The following RABGAP1L variants were observed in gnomAD, a reference collection of about 807,000 sequenced individuals.
RABGAP1L encodes the protein RAB GTPase activating protein 1 like, also known as rab GTPase-activating protein 1-like.
In RABGAP1L, 63 loss-of-function variants were observed where a neutral mutation model predicts 137.7. The observed-to-expected ratio is 0.46, with a 90% CI of 0.37 to 0.56. The LOEUF (loss-of-function observed/expected upper bound fraction) is 0.56. Ranked by LOEUF, RABGAP1L falls within the 20% of genes least tolerant of loss-of-function variation. The probability of loss-of-function intolerance (pLI) is 0.00; values close to 1 mark genes in which losing one functional copy is unlikely to be tolerated. For synonymous variants in RABGAP1L, 431 were observed against 433.7 expected (o/e 0.99, Z 0.08); for missense variants, 1,095 against 1,244.0 (o/e 0.88, Z 1.80).
chr1:174,612,830 T>A (rs1671396595), intron 13 of RABGAP1L, among the ~76,000 whole-genome samples: 1 of 152,356 alleles, frequency 6.6e-6, no homozygotes, highest in South Asian at 2.1e-4. Flanking sequence ...CTAGATTTTC[T>A]AGTTTATTTG....
At chr1:174,792,098 C>T (rs1687903872) in intron 18 of RABGAP1L, among the ~76,000 whole-genome samples, 1 of 152,214 alleles carries the variant, frequency 6.6e-6, no homozygotes, top group Admixed American at 6.5e-5. Flanking sequence ...TGCATCTGTG[C>T]TCTGAATATC....
intron 13 of RABGAP1L, among the ~76,000 whole-genome samples, chr1:174,513,674 C>T (rs918007109): frequency 1.3e-5 from 2 of 152,080 alleles, no homozygotes; most frequent in Non-Finnish European, 2.9e-5. Flanking sequence ...CTTTTCTAGA[C>T]TAAATCATTA....
intron 13 of RABGAP1L, among the ~76,000 whole-genome samples, chr1:174,457,279 G>T (rs1240079150): frequency 6.6e-6 from 1 of 152,130 alleles, no homozygotes; most frequent in Non-Finnish European, 1.5e-5. Flanking sequence ...CAAAAGTGTT[G>T]TGGGGAGAAT....
At chr1:174,498,807 G>A (rs1255951501) in intron 13 of RABGAP1L, among the ~76,000 whole-genome samples, 1 of 151,634 alleles carries the variant, frequency 6.6e-6, no homozygotes, top group Non-Finnish European at 1.5e-5. Context: ...CACCGCGCCT[G>A]GCCTGAAACA....
chr1:174,360,772 A>G (rs1000245690), intron 11 of RABGAP1L, among the ~76,000 whole-genome samples: 13 of 152,114 alleles, frequency 8.5e-5, no homozygotes, highest in African/African-American at 3.1e-4. Context: ...TTGATTTTTA[A>G]TTAATTAATT....
At chr1:174,818,844 A>G (rs1367830016) in intron 19 of RABGAP1L, among the ~76,000 whole-genome samples, 2 of 151,152 alleles carry the variant, frequency 1.3e-5, no homozygotes, top group African/African-American at 2.5e-5. Flanking sequence ...CCCCGTCTCT[A>G]CCAGTAAAAA....
intron 13 of RABGAP1L, among the ~76,000 whole-genome samples, chr1:174,454,783 T>A (rs1442871815): frequency 6.6e-6 from 1 of 151,940 alleles, no homozygotes; most frequent in Non-Finnish European, 1.5e-5. Context: ...TCTCCTGACC[T>A]CCTCGTGTTC....
rs201629203 is a variant in RABGAP1L, at chr1:174,611,438, A to G, written c.1711-25937A>G. Among the ~76,000 whole-genome samples, 58 of 151,330 alleles carry G rather than the reference A, an allele frequency of 3.8e-4. No homozygotes were observed. The East Asian group carries it at 9.7e-3, about 25-fold the overall frequency. Reference sequence around the variant, plus strand: ...ATATCTCTCTTTTGGTACCACTACCATGCTGTTTTGGTTACTGTAGCCTTG... The same window carrying G: ...ATATCTCTCTTTTGGTACCACTACCGTGCTGTTTTGGTTACTGTAGCCTTG... On this transcript the variant is annotated intron_variant, in intron 13 of 25. Coordinates refer to ENST00000681986, the MANE Select transcript of RABGAP1L (RefSeq NM_001366446.1).
intron 11 of RABGAP1L, among the ~76,000 whole-genome samples, chr1:174,338,752 C>G (rs1202729218): frequency 6.6e-6 from 1 of 151,888 alleles, no homozygotes; most frequent in African/African-American, 2.4e-5. Flanking sequence ...ATATTGTACA[C>G]TTAAAAATTC....
At chr1:174,190,076 G>A (rs554042331) in intron 1 of RABGAP1L, among the ~76,000 whole-genome samples, 1 of 152,086 alleles carries the variant, frequency 6.6e-6, no homozygotes, top group South Asian at 2.1e-4. Context: ...AGGCCGAGGC[G>A]GGTGGATCAT....
chr1:174,759,371 G>T (rs1328274472), intron 18 of RABGAP1L, among the ~76,000 whole-genome samples: 3 of 151,468 alleles, frequency 2.0e-5, no homozygotes, highest in Non-Finnish European at 2.9e-5. Context: ...AAGGTGGGCG[G>T]ATCACTGGAG....
chr1:174,275,469 T>C (rs1674912779), intron 8 of RABGAP1L, among the ~76,000 whole-genome samples: 1 of 152,172 alleles, frequency 6.6e-6, no homozygotes, highest in Non-Finnish European at 1.5e-5. Context: ...TCTATATTAT[T>C]GTTTTAATAG....
intron 22 of RABGAP1L, among the ~76,000 whole-genome samples, chr1:174,977,554 A>G (rs1315020570): frequency 6.6e-6 from 1 of 152,220 alleles, no homozygotes; most frequent in Non-Finnish European, 1.5e-5. Context: ...TTGCAAGAAC[A>G]ATGCAAGATG....
intron 10 of RABGAP1L, among the ~76,000 whole-genome samples, chr1:174,300,289 GC>G (rs1677547185): frequency 6.6e-6 from 1 of 152,136 alleles, no homozygotes; most frequent in Admixed American, 6.5e-5. Flanking sequence ...ACTTTGGGAG[GC>G]CGAGGCTGGT....
intron 1 of RABGAP1L, among the ~76,000 whole-genome samples, chr1:174,160,577 C>G (rs187367024): frequency 6.6e-6 from 1 of 152,126 alleles, no homozygotes; most frequent in African/African-American, 2.4e-5. Flanking sequence ...GAAATGCCAG[C>G]CTTATTACAC....
chr1:174,565,532 A>G (rs1298897465), intron 13 of RABGAP1L, among the ~76,000 whole-genome samples: 1 of 151,992 alleles, frequency 6.6e-6, no homozygotes, highest in Non-Finnish European at 1.5e-5. Context: ...CTTGGCTTCT[A>G]CTTTCTCTTA....
At chr1:174,302,668 A>G (rs1264102792) in intron 10 of RABGAP1L, among the ~76,000 whole-genome samples, 5 of 152,224 alleles carry the variant, frequency 3.3e-5, no homozygotes, top group East Asian at 1.9e-4. Flanking sequence ...AGAAGTTTCT[A>G]TGACTTGACT....
chr1:174,278,884 C>T, intron 10 of RABGAP1L, 105 bp downstream of exon 10: 1 of 995,600 alleles, frequency 1.0e-6, no homozygotes, highest in Non-Finnish European at 1.4e-6. Flanking sequence ...AATACAATTC[C>T]TCAAAGAAAT....
At chr1:174,649,576 G>A (rs370810481) in intron 14 of RABGAP1L, among the ~76,000 whole-genome samples, 1 of 152,090 alleles carries the variant, frequency 6.6e-6, no homozygotes, top group Non-Finnish European at 1.5e-5. Flanking sequence ...TCCGCTGTTA[G>A]TCTGATGTGC....
Sources: allele counts gnomAD v4.1 joint callset (sites outside exome capture counted in the v4.1 genomes callset), GRCh38; gene constraint gnomAD v4.1.1; transcripts MANE v1.5; gene names NCBI Gene and HGNC (gene_info 2026-07-23, HGNC 2026-07-21).